Variants in NHSL1 observed in about 807,000 individuals in gnomAD.
The protein encoded by NHSL1 is NHS-like protein 1.
NHSL1 carries 48 observed loss-of-function variants against 95.0 expected under a neutral mutation model. That is an observed-to-expected ratio of 0.51 (90% CI 0.40 to 0.64). NHSL1 has a LOEUF of 0.64. NHSL1 is among the 30% of genes least tolerant of loss of function. The pLI, the probability that NHSL1 is intolerant of heterozygous loss-of-function variation, is 0.00. For synonymous variants in NHSL1, 783 were observed against 833.9 expected, an observed-to-expected ratio of 0.94 and a Z score of 1.05; for missense variants, 1,971 against 2,077.7, an observed-to-expected ratio of 0.95 and a Z score of 1.00.
At chr6:138,448,578 C>A (rs1368352879) in intron 3 of NHSL1, among the ~76,000 whole-genome samples, 2 of 152,082 alleles carry the variant, frequency 1.3e-5, no homozygotes, top group African/African-American at 4.8e-5. Context: ...CTTTGTTTTG[C>A]CTATATTTGA....
chr6:138,537,235 C>T (rs1005937118), intron 1 of NHSL1, among the ~76,000 whole-genome samples: 13 of 152,238 alleles, frequency 8.5e-5, no homozygotes, highest in African/African-American at 3.1e-4. Flanking sequence ...GCAAACACTT[C>T]CGTTGGAGCT....
chr6:138,654,313 G>T (rs557838653), intron 1 of NHSL1, among the ~76,000 whole-genome samples: 66 of 152,260 alleles, frequency 4.3e-4, no homozygotes, highest in African/African-American at 1.6e-3. Flanking sequence ...AAAAGGATGT[G>T]GGAAAATGTG....
At chr6:138,562,928 C>T (rs1783468098) in intron 1 of NHSL1, among the ~76,000 whole-genome samples, 1 of 152,192 alleles carries the variant, frequency 6.6e-6, no homozygotes, top group South Asian at 2.1e-4. Flanking sequence ...AAAGGCTAGA[C>T]TTCAAAGGGC....
intron 1 of NHSL1, among the ~76,000 whole-genome samples, chr6:138,632,185 G>A (rs916440427): frequency 2.0e-5 from 3 of 152,214 alleles, no homozygotes; most frequent in Admixed American, 1.3e-4. Context: ...TGTGGTTTGA[G>A]TGCCAGTTGA....
At position 138,494,295 on chromosome 6, in the gene NHSL1, C is replaced by T. The variant is rs148317205; in HGVS notation, c.211+1924G>A. ...CACTTCTGCCAGAATAACAGATTCC[C>T]AATAAATAAATCATTGTTAAAGGCA... On this transcript the variant is annotated intron_variant, in intron 2 of 7. Transcript: ENST00000343505. Among the ~76,000 whole-genome samples the T allele has an allele frequency of 4.6e-5, 7 of 152,262 alleles. No homozygotes were observed. In the East Asian group the frequency reaches 5.8e-4, roughly 13 times the overall value.
intron 1 of NHSL1, among the ~76,000 whole-genome samples, chr6:138,663,299 G>A (rs1487675944): frequency 3.3e-5 from 5 of 152,168 alleles, no homozygotes; most frequent in South Asian, 2.1e-4. Context: ...GGTGGGTCAC[G>A]CCTGTCATCC....
intron 1 of NHSL1, among the ~76,000 whole-genome samples, chr6:138,528,175 A>G (rs904753861): frequency 6.6e-6 from 1 of 152,332 alleles, no homozygotes; most frequent in East Asian, 1.9e-4. Context: ...TGATTACATG[A>G]TAAGCCTAAA....
rs1330881595 is a variant in NHSL1 at position 138,432,692 on chromosome 6, C to T, written c.1653G>A (p.Glu551=). Residue 551 remains glutamate, a synonymous_variant, in exon 6 of 8, where the codon GAG becomes GAA. Coordinates refer to ENST00000343505, the MANE Select transcript of NHSL1 (RefSeq NM_001144060.2). This position sits in a 1 kb window ranked among gnomAD's most constrained non-coding sequence, Gnocchi z 4.4. ...YSGGGGHSSS[E]PWEYKSSGNG... is the part of the protein sequence containing the mutation. ...TACCTGAGGATTTGTATTCCCAGGGCTCCGAGCTGCTGTGCCCTCCGCCCC... is the reference window on the plus strand; with the variant it reads ...TACCTGAGGATTTGTATTCCCAGGGTTCCGAGCTGCTGTGCCCTCCGCCCC... 4.5e-6 allele frequency: 7 copies of T among 1,551,698 alleles called. No homozygotes were observed. The highest frequency in any genetic ancestry group is 4.4e-6 in the Non-Finnish European group (5 of 1,146,962).
chr6:138,619,947 C>CA (rs11376703), intron 1 of NHSL1, among the ~76,000 whole-genome samples: 26,634 of 102,000 alleles, frequency 0.26, 3,371 homozygotes, highest in East Asian at 0.4. Context: ...AACTCTATCA[C>CA]AAAAAAAAAA....
At chr6:138,593,433 A>G (rs1442977935) in intron 1 of NHSL1, among the ~76,000 whole-genome samples, 1 of 152,218 alleles carries the variant, frequency 6.6e-6, no homozygotes, top group African/African-American at 2.4e-5. Context: ...TTCATTCACA[A>G]TCATGCTAAT....
rs369736339 is a variant in NHSL1 at position 138,558,992 on chromosome 6, T to C, written c.202+12718A>G. On this transcript the variant is annotated intron_variant, in intron 1 of 6. Coordinates refer to the NHSL1 transcript ENST00000427025. The stretch of plus-strand genomic sequence containing the variant: ...TTAAGCCCTAGAGTTCAGGTTACAA[T>C]AACCTATGAGTGCACCACTGCACTC... 3.9e-4 allele frequency among the ~76,000 whole-genome samples: 59 copies of C among 151,434 alleles called. 1 individual carries two copies. The South Asian group carries it at 8.6e-3, about 22-fold the overall frequency.
chr6:138,675,426 G>T (rs1167718507), intron 1 of NHSL1, among the ~76,000 whole-genome samples: 1 of 152,154 alleles, frequency 6.6e-6, no homozygotes, highest in Admixed American at 6.5e-5. Flanking sequence ...CGAGGTCAGG[G>T]TCACACAGCT....
At position 138,431,613 on chromosome 6, in the gene NHSL1, G is replaced by A. The variant is rs1775675827; in HGVS notation, c.2732C>T (p.Thr911Ile). 2 of 1,551,500 alleles carry A rather than the reference G, an allele frequency of 1.3e-6. No individual in the cohort carries two copies. Among genetic ancestry groups the A allele is most frequent in the East Asian group, 2.4e-5 (1 of 40,918 alleles). The change falls in exon 6 of 8, where the codon ACT (threonine) becomes ATT (isoleucine). Residue 911 changes from threonine to isoleucine, a missense_variant. Physicochemically the swap from Thr to Ile is moderately conservative, Grantham distance 89 (BLOSUM62 -1). Around this residue, in one of 3 missense-constraint regions of NHSL1, gnomAD observed 1,602 missense variants for 1,654.5 expected, o/e 0.97. Transcript: ENST00000343505. This position sits in a 1 kb window ranked among gnomAD's most constrained non-coding sequence, Gnocchi z 4.0. ...CTTCTTCATAGTGCCACTTCCTTCA[G>A]TAGAAGTACTAGAAGAAAGAGAAGT... ...SSTSLSSSTS[T>I]EGSGTMKKLD...
chr6:138,428,393 C>T (rs964855677), intron 7 of NHSL1, among the ~76,000 whole-genome samples: 2 of 152,178 alleles, frequency 1.3e-5, no homozygotes, highest in African/African-American at 4.8e-5. Flanking sequence ...ATGGGAACTT[C>T]TAGAATTGCC....
intron 1 of NHSL1, among the ~76,000 whole-genome samples, chr6:138,648,896 G>A (rs962017918): frequency 6.6e-5 from 10 of 152,060 alleles, no homozygotes; most frequent in African/African-American, 2.4e-4. Context: ...TGGGGGTGAG[G>A]AATGAATATA....
chr6:138,657,692 G>A (rs1351886453), intron 1 of NHSL1, among the ~76,000 whole-genome samples: 1 of 151,600 alleles, frequency 6.6e-6, no homozygotes, highest in Non-Finnish European at 1.5e-5. Flanking sequence ...GCGGGCGCCT[G>A]TGGTCCCAGC....
chr6:138,582,373 G>GAAAAAAAAGAGATGGGACCAA (rs569520753), intron 1 of NHSL1, among the ~76,000 whole-genome samples: 5 of 147,172 alleles, frequency 3.4e-5, no homozygotes, highest in African/African-American at 7.5e-5. Context: ...TAAAAGAACA[G>GAAAAAAAAGAGATGGGACCAA]AAAAAAAAGA....
intron 1 of NHSL1, among the ~76,000 whole-genome samples, chr6:138,625,531 C>A (rs755637492): frequency 2.6e-5 from 4 of 151,968 alleles, no homozygotes; most frequent in Non-Finnish European, 5.9e-5. Context: ...TACTATCTCC[C>A]CTTCCTAGAC....
At chr6:138,581,717 A>AT (rs1784059477) in intron 1 of NHSL1, among the ~76,000 whole-genome samples, 3 of 140,198 alleles carry the variant, frequency 2.1e-5, no homozygotes, top group South Asian at 2.2e-4. Flanking sequence ...AAAAAAAAAA[A>AT]TTTCAGGAAA....
Sources: gnomAD v4.1 joint callset for allele counts (sites outside exome capture counted in the v4.1 genomes callset) on GRCh38, gnomAD v4.1.1 for gene constraint, gnomAD v4.1.1 regional missense constraint, Gnocchi (gnomAD v3.1) non-coding constraint, MANE v1.5 for transcripts, NCBI Gene and HGNC (gene_info 2026-07-23, HGNC 2026-07-21) for gene names.